LDLRAD3: variants seen among roughly 807,000 people sequenced by gnomAD.
LDLRAD3 encodes the protein low density lipoprotein receptor class A domain containing 3.
In LDLRAD3, 20 loss-of-function variants were observed where a neutral mutation model predicts 29.4. That is an observed-to-expected ratio of 0.68 (90% CI 0.48 to 0.99). LDLRAD3 has a LOEUF of 0.99. Among genes scored for constraint, LDLRAD3 ranks in the 50% least tolerant of loss-of-function variants. LDLRAD3 has a pLI of 0.00. For synonymous variants in LDLRAD3, 157 were observed against 192.7 expected (o/e 0.81, Z 1.53); for missense variants, 420 against 454.3 (o/e 0.92, Z 0.69).
chr11:36,227,744 C>G (rs908920570), intron 5 of LDLRAD3, among the ~76,000 whole-genome samples: 3 of 152,180 alleles, frequency 2.0e-5, no homozygotes. Flanking sequence ...TGTTAAATGA[C>G]TTGTCTGAGG....
intron 4 of LDLRAD3, among the ~76,000 whole-genome samples, chr11:36,198,273 AC>A (rs757019009): frequency 1.1e-4 from 4 of 35,566 alleles, no homozygotes; most frequent in East Asian, 6.3e-3. Flanking sequence ...GAAAAATAAT[AC>A]CCCCTTTCAC....
intron 3 of LDLRAD3, among the ~76,000 whole-genome samples, chr11:36,083,056 G>A (rs1853140104): frequency 6.6e-6 from 1 of 152,196 alleles, no homozygotes; most frequent in Non-Finnish European, 1.5e-5. Flanking sequence ...CAGCAAAACT[G>A]AGAGGAAGGT....
intron 1 of LDLRAD3, among the ~76,000 whole-genome samples, chr11:36,016,852 C>T (rs1363195202): frequency 2.6e-5 from 4 of 152,188 alleles, no homozygotes; most frequent in East Asian, 1.9e-4. Flanking sequence ...CGTGTCAGTA[C>T]GTTCTAACTC....
intron 1 of LDLRAD3, among the ~76,000 whole-genome samples, chr11:35,956,787 G>GC (rs1851205796): frequency 6.6e-6 from 1 of 151,976 alleles, no homozygotes; most frequent in Non-Finnish European, 1.5e-5. Flanking sequence ...CCCAGGCTGG[G>GC]TGCAGTGGTG....
At chr11:36,219,200 G>C (rs1855394784) in intron 4 of LDLRAD3, among the ~76,000 whole-genome samples, 1 of 152,216 alleles carries the variant, frequency 6.6e-6, no homozygotes, top group Non-Finnish European at 1.5e-5. Flanking sequence ...GTAAAAGTTT[G>C]CCAGCTCATG....
At chr11:36,144,169 G>A (rs1854133280) in intron 4 of LDLRAD3, among the ~76,000 whole-genome samples, 1 of 152,010 alleles carries the variant, frequency 6.6e-6, no homozygotes, top group Admixed American at 6.5e-5. Context: ...AACCGCGAGT[G>A]ATCCGCCAGC....
intron 1 of LDLRAD3, among the ~76,000 whole-genome samples, chr11:35,982,178 C>G (rs1304979902): frequency 6.6e-6 from 1 of 152,194 alleles, no homozygotes; most frequent in Non-Finnish European, 1.5e-5. Flanking sequence ...ATCAAAGTGT[C>G]TGCAGGGTTT....
intron 3 of LDLRAD3, among the ~76,000 whole-genome samples, chr11:36,094,023 G>A (rs1223002796): frequency 2.6e-5 from 4 of 152,200 alleles, no homozygotes; most frequent in African/African-American, 9.6e-5. Context: ...AGAGGAGAGT[G>A]CACCAAATAA....
chr11:36,118,246 C>T (rs1853701325), intron 4 of LDLRAD3, among the ~76,000 whole-genome samples: 2 of 151,956 alleles, frequency 1.3e-5, no homozygotes, highest in Admixed American at 6.6e-5. Context: ...AAATGGAGAC[C>T]AAGAGAGATG....
intron 4 of LDLRAD3, among the ~76,000 whole-genome samples, chr11:36,146,256 A>G (rs1854192564): frequency 6.6e-6 from 1 of 152,230 alleles, no homozygotes; most frequent in Non-Finnish European, 1.5e-5. Flanking sequence ...TGAATATCAA[A>G]TGTCCGATGA....
At chr11:36,065,195 T>C (rs186388501) in intron 2 of LDLRAD3, among the ~76,000 whole-genome samples, 1 of 152,360 alleles carries the variant, frequency 6.6e-6, no homozygotes, top group East Asian at 1.9e-4. Context: ...CTTGGGGCTC[T>C]GTTTTTAAGT....
chr11:36,155,760 C>A (rs1268120128), intron 4 of LDLRAD3, among the ~76,000 whole-genome samples: 2 of 152,154 alleles, frequency 1.3e-5, no homozygotes, highest in African/African-American at 4.8e-5. Context: ...CAGGGGTACC[C>A]GCCTGGCTCA....
intron 4 of LDLRAD3, among the ~76,000 whole-genome samples, chr11:36,156,305 G>A (rs1438663406): frequency 6.6e-6 from 1 of 152,198 alleles, no homozygotes; most frequent in African/African-American, 2.4e-5. Flanking sequence ...CTGAAGAGCT[G>A]TTTGCACATA....
At chr11:36,032,208 A>AT (rs890818786) in intron 1 of LDLRAD3, among the ~76,000 whole-genome samples, 27 of 152,312 alleles carry the variant, frequency 1.8e-4, no homozygotes, top group Admixed American at 5.9e-4. Flanking sequence ...CAACATGTAA[A>AT]TTTTGGGGGG....
Position 36,230,547 on chromosome 11 carries a change from AG to A in LDLRAD3, c.*1153del, listed in dbSNP as rs1855561850. ...AGCACCTCTAGTTAGAGTTAGGGTC[AG>A]GGTCAGGCCTCTCCCAACATCCCAG... On this transcript the variant is annotated 3_prime_UTR_variant, in exon 6 of 6. Transcript: ENST00000315571. The A allele has an allele frequency of 6.5e-6, 1 of 152,728 alleles. No individual in the cohort carries two copies. Among genetic ancestry groups the A allele is most frequent in the African/African-American group, 2.4e-5 (1 of 41,450 alleles). The allele number at this position is 152,728 out of a possible 1,614,324, so 9.5% of individuals were successfully genotyped here.
intron 4 of LDLRAD3, among the ~76,000 whole-genome samples, chr11:36,125,679 C>T (rs1422437887): frequency 6.6e-6 from 1 of 152,190 alleles, no homozygotes; most frequent in Non-Finnish European, 1.5e-5. Context: ...ATCTCCACTA[C>T]TCGGCACCCA....
At chr11:36,077,095 A>G (rs1295976977) in intron 2 of LDLRAD3, among the ~76,000 whole-genome samples, 2 of 152,224 alleles carry the variant, frequency 1.3e-5, no homozygotes, top group African/African-American at 4.8e-5. Flanking sequence ...GAGTATATTT[A>G]CACAAGTATA....
rs772260087 is a variant in LDLRAD3 at position 36,213,323 on chromosome 11, C to T, written c.455-13762C>T. 1.1e-4 allele frequency among the ~76,000 whole-genome samples: 16 copies of T among 152,200 alleles called. No individual in the cohort carries two copies. Among genetic ancestry groups the T allele is most frequent in the Non-Finnish European group, 1.9e-4 (13 of 68,040 alleles). ...CCCTCTTTTCAGTTAATTTTAGCAA[C>T]TTGAGTTGCCATGGTAATGGTTCAG... On this transcript the variant is annotated intron_variant, in intron 4 of 5. Coordinates refer to ENST00000315571, the MANE Select transcript of LDLRAD3 (RefSeq NM_174902.4). The surrounding 1 kb of genome is among the most constrained non-coding windows in gnomAD (Gnocchi z 4.1).
At chr11:36,094,685 G>A (rs563519180) in intron 3 of LDLRAD3, among the ~76,000 whole-genome samples, 61 of 152,032 alleles carry the variant, frequency 4.0e-4, no homozygotes, top group Non-Finnish European at 7.5e-4. Flanking sequence ...ACAGGCATGC[G>A]CCACTACCAC....
Sources: gnomAD v4.1 joint callset for allele counts (sites outside exome capture counted in the v4.1 genomes callset) on GRCh38, gnomAD v4.1.1 for gene constraint, Gnocchi (gnomAD v3.1) non-coding constraint, MANE v1.5 for transcripts, NCBI Gene and HGNC (gene_info 2026-07-23, HGNC 2026-07-21) for gene names.